PCDHA2: variants seen among roughly 807,000 people sequenced by gnomAD.
PCDHA2 encodes protocadherin alpha 2.
Under a neutral mutation model 66.0 loss-of-function variants are expected in PCDHA2, and 58 were observed. The observed-to-expected ratio is 0.88, with a 90% CI of 0.71 to 1.09. The LOEUF is 1.09. Among genes scored for constraint, PCDHA2 ranks in the 50% least tolerant of loss-of-function variants. The probability of loss-of-function intolerance (pLI) is 0.00; values close to 1 mark genes in which losing one functional copy is unlikely to be tolerated. For synonymous variants in PCDHA2, 634 were observed against 554.0 expected, an observed-to-expected ratio of 1.14 and a Z score of -2.03; for missense variants, 1,267 against 1,242.3, an observed-to-expected ratio of 1.02 and a Z score of -0.30.
rs149179821 is a variant in PCDHA2 at position 141,012,224 on chromosome 5, C to T, written c.*2287C>T. 2 of 153,832 alleles carry T rather than the reference C, an allele frequency of 1.3e-5. No homozygotes were observed. Among genetic ancestry groups the T allele is most frequent in the East Asian group, 3.9e-4 (2 of 5,184 alleles). 9.5% of individuals were successfully genotyped at this position (153,832 alleles called of 1,614,324 possible). On this transcript the variant is annotated 3_prime_UTR_variant, in exon 4 of 4. Coordinates refer to ENST00000526136, the MANE Select transcript of PCDHA2 (RefSeq NM_018905.3). ...CTTTTTACATTTGCGAAGTGCTTTC[C>T]AATCCATGTTAGTTACTAGTTATTA...
Position 141,009,646 on chromosome 5 carries a change from G to A in PCDHA2, c.2556G>A (p.Val852=), listed in dbSNP as rs369515881. 16 of 1,613,668 alleles carry A rather than the reference G, an allele frequency of 9.9e-6. No individual in the cohort carries two copies. The highest frequency in any genetic ancestry group is 5.5e-5 in the South Asian group (5 of 91,030). ...TTTCAGAACCAGAGGCAGGAGAAGT[G>A]TCCCCTCCAGTCGGTGCGGGTGTCA... is the stretch of plus-strand genomic sequence containing the variant. ...SATPEPEAGE[V]SPPVGAGVNS... The change falls in exon 4 of 4, where the codon GTG becomes GTA. Residue 852 remains valine, a synonymous_variant. Coordinates refer to ENST00000526136, the MANE Select transcript of PCDHA2 (RefSeq NM_018905.3).
intron 3 of PCDHA2, among the ~76,000 whole-genome samples, chr5:140,982,882 C>CAGAGA (rs1353974224): frequency 6.6e-6 from 1 of 151,972 alleles, no homozygotes; most frequent in African/African-American, 2.4e-5. Context: ...CCAAGCCATG[C>CAGAGA]AGAGAAGATC....
chr5:140,868,148 T>C (rs980442760), intron 1 of PCDHA2: 1 of 152,150 alleles, frequency 6.6e-6, no homozygotes, highest in African/African-American at 2.4e-5. Context: ...ATTGATTCTG[T>C]TACATAAAGT....
At chr5:140,830,468 G>A in intron 1 of PCDHA2, 1 of 1,571,084 alleles carries the variant, frequency 6.4e-7, no homozygotes, top group South Asian at 1.2e-5. Flanking sequence ...GGATTTAAAT[G>A]AAGATCATGA....
At position 140,845,398 on chromosome 5, in the gene PCDHA2, G is replaced by A. The variant is rs1272388366; in HGVS notation, c.2388+48046G>A. Among the ~76,000 whole-genome samples the A allele has an allele frequency of 2.0e-5, 3 of 149,302 alleles. 1 individual carries two copies. The highest frequency in any genetic ancestry group is 4.5e-5 in the Non-Finnish European group (3 of 66,780). ...ATAGGAGGATTCTTTCCACCACCTA[G>A]CATTGTATTTGGCAATTTATCATTT... On this transcript the variant is annotated intron_variant, in intron 1 of 3. Coordinates refer to ENST00000526136, the MANE Select transcript of PCDHA2 (RefSeq NM_018905.3).
rs146837800 is a variant in PCDHA2 at position 140,833,801 on chromosome 5, A to T, written c.2388+36449A>T. On this transcript the variant is annotated intron_variant, in intron 1 of 3. Coordinates refer to ENST00000526136, the MANE Select transcript of PCDHA2 (RefSeq NM_018905.3). ...AAGTTTCTCTTTCATCAATCAGTAGATTCTTGAGATCCTGGGTCCCTAAAA... is the reference window on the plus strand; with the variant it reads ...AAGTTTCTCTTTCATCAATCAGTAGTTTCTTGAGATCCTGGGTCCCTAAAA... Among the ~76,000 whole-genome samples, 141 of 152,240 alleles carry T rather than the reference A, an allele frequency of 9.3e-4. 1 individual carries two copies. The highest frequency in any genetic ancestry group is 3.3e-3 in the African/African-American group (136 of 41,550).
chr5:140,883,213 A>G, intron 1 of PCDHA2: 1 of 1,614,090 alleles, frequency 6.2e-7, no homozygotes, highest in South Asian at 1.1e-5. Flanking sequence ...AAAAGAAATT[A>G]TATGAAATAT....
intron 1 of PCDHA2, chr5:140,930,104 G>T (rs532818002): frequency 6.6e-6 from 1 of 152,210 alleles, no homozygotes; most frequent in Non-Finnish European, 1.5e-5. Flanking sequence ...ACTGATAGGA[G>T]ATCATATTGT....
At chr5:140,801,393 G>T in intron 1 of PCDHA2, 1 of 1,613,656 alleles carries the variant, frequency 6.2e-7, no homozygotes, top group South Asian at 1.1e-5. Context: ...CCTGTTCCGG[G>T]TGGCGTCCAA....
chr5:140,932,261 T>C (rs1554208805), intron 1 of PCDHA2, among the ~76,000 whole-genome samples: 1 of 151,922 alleles, frequency 6.6e-6, no homozygotes, highest in East Asian at 1.9e-4. Context: ...CTCTGAGATA[T>C]AAATTTCTAC....
chr5:140,807,397 CCG>C lies in PCDHA2; in HGVS notation c.2388+10048_2388+10049del, dbSNP rs782638629. On this transcript the variant is annotated intron_variant, in intron 1 of 3. Coordinates refer to ENST00000526136, the MANE Select transcript of PCDHA2 (RefSeq NM_018905.3). ...GCCTGTTCCGGGTGGCGTCCAAGGGCCGCGGAGGCCTTCTGGAGGTAAATCTG... is the reference window on the plus strand; with the variant it reads ...GCCTGTTCCGGGTGGCGTCCAAGGGCCGGAGGCCTTCTGGAGGTAAATCTG... 8 of 1,344,444 alleles carry C rather than the reference CCG, an allele frequency of 6.0e-6. 3 individuals carry two copies. Among genetic ancestry groups the C allele is most frequent in the Non-Finnish European group, 6.0e-6 (6 of 1,004,946 alleles). The allele number at this position is 1,344,444 out of a possible 1,614,324, so 83.3% of individuals were successfully genotyped here. A position where few individuals can be genotyped will look rare whatever the true frequency, so the allele number is the denominator to read the frequency against.
At chr5:141,006,678 T>C (rs1554260866) in intron 3 of PCDHA2, among the ~76,000 whole-genome samples, 1 of 151,754 alleles carries the variant, frequency 6.6e-6, no homozygotes, top group Non-Finnish European at 1.5e-5. Flanking sequence ...GCAGTGAAAA[T>C]TGGGAGAAGA....
chr5:140,829,430 G>A (rs1554131952), intron 1 of PCDHA2: 2 of 1,613,974 alleles, frequency 1.2e-6, no homozygotes, highest in African/African-American at 1.3e-5. Context: ...GGAGGTGGCC[G>A]ACATGAATGA....
intron 3 of PCDHA2, among the ~76,000 whole-genome samples, chr5:140,989,362 G>A (rs1264795948): frequency 6.6e-6 from 1 of 152,176 alleles, no homozygotes; most frequent in African/African-American, 2.4e-5. Context: ...GGTCACCTGT[G>A]TGACTGAGAG....
Position 140,795,444 on chromosome 5 carries a change from A to C in PCDHA2, c.480A>C (p.Ala160=). ...SRFPLEGASD[A]DIGVNALLSY... ...TTCCTCTAGAGGGAGCATCTGATGC[A>C]GATATAGGAGTAAATGCTCTTCTCT... The change falls in exon 1 of 4, where the codon GCA becomes GCC. Residue 160 remains alanine, a synonymous_variant. Coordinates refer to ENST00000526136, the MANE Select transcript of PCDHA2 (RefSeq NM_018905.3). 6.2e-7 allele frequency: 1 copy of C among 1,614,206 alleles called. No individual in the cohort carries two copies. The highest frequency in any genetic ancestry group is 2.2e-5 in the East Asian group (1 of 44,872).
intron 1 of PCDHA2, among the ~76,000 whole-genome samples, chr5:140,964,926 A>G (rs2095863338): frequency 6.6e-6 from 1 of 152,212 alleles, no homozygotes; most frequent in African/African-American, 2.4e-5. Flanking sequence ...CTGGCTAGGT[A>G]GTGGAGCATT....
intron 3 of PCDHA2, among the ~76,000 whole-genome samples, chr5:141,000,412 TATATA>T (rs2097919858): frequency 7.8e-5 from 8 of 102,770 alleles, no homozygotes; most frequent in African/African-American, 2.3e-4. Flanking sequence ...TATATATATA[TATATA>T]TATATTTTTT....
intron 1 of PCDHA2, chr5:140,823,840 G>A (rs17844298): frequency 3.1e-6 from 5 of 1,613,722 alleles, no homozygotes; most frequent in South Asian, 2.2e-5. Flanking sequence ...TGTGGGTCCC[G>A]AGGCTGCCCT....
In PCDHA2 at chr5:140,795,840, G is replaced by A. The variant is rs372524197; in HGVS notation, c.876G>A (p.Lys292=). The change falls in exon 1 of 4, where the codon AAG becomes AAA. Residue 292 remains lysine, a synonymous_variant. Coordinates refer to ENST00000526136, the MANE Select transcript of PCDHA2 (RefSeq NM_018905.3). ...GSDVSSTIQT[K]FTIDPISGEI... ...ATGTGTCCTCCACTATACAGACTAA[G>A]TTTACCATAGATCCCATCTCAGGGG... 7 of 1,613,748 alleles carry A rather than the reference G, an allele frequency of 4.3e-6. No individual in the cohort carries two copies. The highest frequency in any genetic ancestry group is 2.7e-5 in the African/African-American group (2 of 74,902).
Sources: gnomAD v4.1 joint callset for allele counts (sites outside exome capture counted in the v4.1 genomes callset) on GRCh38, gnomAD v4.1.1 for gene constraint, MANE v1.5 for transcripts, NCBI Gene and HGNC (gene_info 2026-07-23, HGNC 2026-07-21) for gene names.